USP6: variants seen among roughly 807,000 people sequenced by gnomAD.
USP6 encodes the protein ubiquitin carboxyl-terminal hydrolase 6.
In USP6, 128 loss-of-function variants were observed where a neutral mutation model predicts 175.7. The ratio of observed to expected loss-of-function variants is 0.73; its 90% CI spans 0.63 to 0.84. The LOEUF (loss-of-function observed/expected upper bound fraction) is 0.84. USP6 is among the 40% of genes least tolerant of loss of function. The pLI is 0.00. For missense variants in USP6, 1,498 were observed against 1,760.3 expected (o/e 0.85, Z 2.67); for synonymous variants, 562 against 630.6 (o/e 0.89, Z 1.63).
chr17:5,161,971 C>T (rs1430372990), intron 32 of USP6, among the ~76,000 whole-genome samples: 1 of 152,136 alleles, frequency 6.6e-6, no homozygotes, highest in Non-Finnish European at 1.5e-5. Context: ...AAGGTTGCGC[C>T]ATTGCACTCC....
chr17:5,166,450 T>G (rs2074098123), intron 33 of USP6, among the ~76,000 whole-genome samples: 1 of 152,090 alleles, frequency 6.6e-6, no homozygotes, highest in African/African-American at 2.4e-5. Context: ...GCTGTGCCAA[T>G]TTGTATTCCA....
intron 31 of USP6, among the ~76,000 whole-genome samples, chr17:5,156,656 G>A (rs2073891977): frequency 6.6e-6 from 1 of 151,668 alleles, no homozygotes; most frequent in Non-Finnish European, 1.5e-5. Flanking sequence ...CTGTTTTATG[G>A]TAACTAAAAA....
intron 11 of USP6, among the ~76,000 whole-genome samples, chr17:5,131,027 G>A (rs2073049941): frequency 6.6e-6 from 1 of 152,212 alleles, no homozygotes; most frequent in Admixed American, 6.5e-5. Context: ...GAGATCCAAG[G>A]GTTGTGGCCA....
intron 35 of USP6, among the ~76,000 whole-genome samples, 183 bp from the exon 36 acceptor site, chr17:5,170,296 A>G (rs1364493486): frequency 2.6e-5 from 4 of 152,206 alleles, no homozygotes; most frequent in Admixed American, 2.6e-4. Context: ...GGGACTTGGC[A>G]TTGAAGAAGA....
rs1156576579 is a variant in USP6 at position 5,169,008 on chromosome 17, G to T, written c.3470G>T (p.Ser1157Ile). The T allele has an allele frequency of 6.2e-7, 1 of 1,613,746 alleles. No homozygotes were observed. The highest frequency in any genetic ancestry group is 8.5e-7 in the Non-Finnish European group (1 of 1,179,814). ...SSAGKEDMLL[S>I]KSPSSLSANI... ...GCTGGAAAAGAGGACATGCTCCTAA[G>T]CAAAAGCCCATCCTCACTCAGCGCT... The change falls in exon 35 of 38, where the codon AGC (serine) becomes ATC (isoleucine). Residue 1157 changes from serine (S) to isoleucine (I), a missense_variant. Ser to Ile is a moderately radical substitution (Grantham distance 142, BLOSUM62 -2). Around this residue, in one of 2 missense-constraint regions of USP6, gnomAD observed 1,217 missense variants for 1,500.8 expected, o/e 0.81. Coordinates refer to ENST00000574788, the MANE Select transcript of USP6 (RefSeq NM_001304284.2).
intron 36 of USP6, among the ~76,000 whole-genome samples, 197 bp downstream of exon 36, chr17:5,171,112 G>T (rs1403397878): frequency 6.6e-6 from 1 of 152,126 alleles, no homozygotes; most frequent in Non-Finnish European, 1.5e-5. Context: ...ACTTTAGAAG[G>T]CTGAGACAGG....
Position 5,132,767 on chromosome 17 carries a change from A to T in USP6, c.196-143A>T. The T allele has an allele frequency of 9.1e-7, 1 of 1,098,688 alleles. No individual in the cohort carries two copies. The allele number at this position is 1,098,688 out of a possible 1,614,324, so 68.1% of individuals were successfully genotyped here. ...AGCCCATTGGTGCTCATTTGCTCAAAGGCTCTCAGCCCTTAGGGTCTGCCC... is the reference window on the plus strand; with the variant it reads ...AGCCCATTGGTGCTCATTTGCTCAATGGCTCTCAGCCCTTAGGGTCTGCCC... On this transcript the variant is annotated intron_variant, in intron 12 of 37. Transcript: ENST00000574788. The surrounding 1 kb of genome is among the most constrained non-coding windows in gnomAD (Gnocchi z 4.7).
Position 5,148,604 on chromosome 17 carries a change from AT to A in USP6, c.2481del (p.Asn827LysfsTer55), listed in dbSNP as rs752915776. 2.5e-6 allele frequency: 4 copies of A among 1,613,964 alleles called. No individual in the cohort carries two copies. In the South Asian group the frequency reaches 3.3e-5, roughly 13 times the overall value. Reference protein sequence around the residue: ...STNGMFTLTTNGDLPKPIFIP... With the variant: ...STNGMFTLTTXGDLPKPIFIP... ...AATGGAATGTTCACCCTAACTACCA[AT>A]GGGGACCTACCCAAACCAATATTCA... On this transcript the variant is annotated frameshift_variant, in exon 30 of 38. Transcript: ENST00000574788. LOFTEE classifies it high-confidence loss of function.
chr17:5,163,122 A>G, intron 33 of USP6, 118 bp downstream of exon 33: 4 of 1,411,538 alleles, frequency 2.8e-6, no homozygotes, highest in South Asian at 1.7e-5. Context: ...CTTCATTGGC[A>G]TCCTCTATGG....
intron 18 of USP6, 92 bp from the exon 19 acceptor site, chr17:5,137,029 C>CTGCA: frequency 7.2e-7 from 1 of 1,391,230 alleles, no homozygotes; most frequent in Non-Finnish European, 1.0e-6. Context: ...GCCCAGTGTT[C>CTGCA]TGCACTAGGG....
rs1259101107 is a variant in USP6, at chr17:5,141,436, G to T, written c.1510G>T (p.Asp504Tyr). The change falls in exon 23 of 38, where the codon GAT (aspartate) becomes TAT (tyrosine). Residue 504 changes from aspartate to tyrosine, a missense_variant. By Grantham distance (160) the Asp-to-Tyr change is radical. Around this residue, in one of 2 missense-constraint regions of USP6, gnomAD observed 1,217 missense variants for 1,500.8 expected, o/e 0.81. Coordinates refer to ENST00000574788, the MANE Select transcript of USP6 (RefSeq NM_001304284.2). ...ATCTGTCCTTCCAGTTCACAACAAA[G>T]ATATGAGTTGGCCTGAGGAGATGTC... ...AEHCGEVHNKDMSWPEEMSFT... is the reference protein window; with the variant it reads ...AEHCGEVHNKYMSWPEEMSFT... 2 of 1,607,962 alleles carry T rather than the reference G, an allele frequency of 1.2e-6. No individual in the cohort carries two copies. The highest frequency in any genetic ancestry group is 1.7e-6 in the Non-Finnish European group (2 of 1,177,954).
In USP6 at chr17:5,148,708, A is replaced by T. The variant is rs144524600; in HGVS notation, c.2584A>T (p.Met862Leu). The T allele has an allele frequency of 3.7e-6, 6 of 1,613,828 alleles. No individual in the cohort carries two copies. The African/African-American group carries it at 8.0e-5, about 22-fold the overall frequency. ...CACAAATGGAATGGTTAATGGTCACATGCCATCTCTTCCTGACAGCCCCTT... is the reference window on the plus strand; with the variant it reads ...CACAAATGGAATGGTTAATGGTCACTTGCCATCTCTTCCTGACAGCCCCTT... ...NFTNGMVNGH[M>L]PSLPDSPFTG... The change falls in exon 30 of 38, where the codon ATG (methionine) becomes TTG (leucine). Residue 862 changes from methionine (M) to leucine (L), a missense_variant. By Grantham distance (15) the Met-to-Leu change is conservative. Around this residue, in one of 2 missense-constraint regions of USP6, gnomAD observed 1,217 missense variants for 1,500.8 expected, o/e 0.81. Coordinates refer to ENST00000574788, the MANE Select transcript of USP6 (RefSeq NM_001304284.2).
intron 14 of USP6, 87 bp from the exon 15 acceptor site, chr17:5,133,800 G>C (rs2073159209): frequency 2.9e-6 from 4 of 1,399,308 alleles, no homozygotes; most frequent in Non-Finnish European, 3.0e-6. Flanking sequence ...CCTTCCCGAA[G>C]TGCTGACTGT....
chr17:5,163,659 T>A (rs978995995), intron 33 of USP6, among the ~76,000 whole-genome samples: 1 of 152,230 alleles, frequency 6.6e-6, no homozygotes, highest in African/African-American at 2.4e-5. Context: ...AATAAGTGAA[T>A]CTTGAAACAA....
chr17:5,161,592 T>G lies in USP6; in HGVS notation c.2893T>G (p.Cys965Gly). The change falls in exon 32 of 38, where the codon TGT becomes GGT. Residue 965 changes from cysteine to glycine, a missense_variant. This residue lies in a region of USP6 where 1,217 missense variants were observed against 1,500.8 expected (regional missense o/e 0.81). Transcript: ENST00000574788. ...AGTTGTGCAGAAAGATGGGAACTCC[T>G]GTGCTTGGTGCCCACAGTATAGGTA... is the stretch of plus-strand genomic sequence containing the variant. ...LRVVQKDGNS[C>G]AWCPQYRFCR... 6.2e-7 allele frequency: 1 copy of G among 1,614,060 alleles called. No homozygotes were observed. The highest frequency in any genetic ancestry group is 8.5e-7 in the Non-Finnish European group (1 of 1,179,892).
intron 26 of USP6, 36 bp from the exon 27 acceptor site, chr17:5,145,369 A>AT (rs1199623544): frequency 6.5e-7 from 1 of 1,544,052 alleles, no homozygotes; most frequent in South Asian, 1.3e-5. Context: ...TCTCTTTTGG[A>AT]TTTTGAGAGA....
intron 25 of USP6, among the ~76,000 whole-genome samples, chr17:5,144,087 G>A (rs141495419): frequency 2.7e-4 from 41 of 152,118 alleles, no homozygotes; most frequent in African/African-American, 9.6e-4. Flanking sequence ...AACTATAACA[G>A]CTACACATTT....
intron 33 of USP6, among the ~76,000 whole-genome samples, chr17:5,167,654 A>G (rs541385289): frequency 6.6e-6 from 1 of 152,134 alleles, no homozygotes; most frequent in Admixed American, 6.5e-5. Context: ...ATGCGCCACA[A>G]TGCCCAGCTA....
chr17:5,164,217 G>C (rs1440523549), intron 33 of USP6, among the ~76,000 whole-genome samples: 1 of 152,154 alleles, frequency 6.6e-6, no homozygotes, highest in East Asian at 1.9e-4. Context: ...GTCTTGTTAT[G>C]CTATGGAGGA....
Sources: gnomAD v4.1 joint callset for allele counts (sites outside exome capture counted in the v4.1 genomes callset) on GRCh38, gnomAD v4.1.1 for gene constraint, gnomAD v4.1.1 regional missense constraint, Gnocchi (gnomAD v3.1) non-coding constraint, MANE v1.5 for transcripts, NCBI Gene and HGNC (gene_info 2026-07-23, HGNC 2026-07-21) for gene names.